FAM120A: variants seen among roughly 807,000 people sequenced by gnomAD.
FAM120A encodes the protein constitutive coactivator of PPAR-gamma-like protein 1.
In FAM120A, 15 loss-of-function variants were observed where a neutral mutation model predicts 109.7. That is an observed-to-expected ratio of 0.14 (90% confidence interval 0.09 to 0.21). The LOEUF is 0.21. Among genes scored for constraint, FAM120A ranks in the 10% least tolerant of loss-of-function variants. The probability of loss-of-function intolerance (pLI) is 1.00; values close to 1 mark genes in which losing one functional copy is unlikely to be tolerated. For missense variants in FAM120A, 899 were observed against 1,439.3 expected, an observed-to-expected ratio of 0.62 and a Z score of 6.07; for synonymous variants, 493 against 572.8, an observed-to-expected ratio of 0.86 and a Z score of 1.99.
At chr9:93,559,884 A>G (rs1862412765) in intron 15 of FAM120A, among the ~76,000 whole-genome samples, 1 of 152,250 alleles carries the variant, frequency 6.6e-6, no homozygotes, top group Admixed American at 6.5e-5. Flanking sequence ...TGCACTGCCT[A>G]GTATAGTAGC....
Position 93,484,394 on chromosome 9 carries a change from T to G in FAM120A, c.804+8056T>G, listed in dbSNP as rs540803242. ...AGGATTCTTCCTGATTGACCTGGAA[T>G]GGACGACCCTGCCAGCAGGAGCAGG... is the stretch of plus-strand genomic sequence containing the variant. On this transcript the variant is annotated intron_variant, in intron 3 of 17. Transcript: ENST00000277165. Among the ~76,000 whole-genome samples the G allele has an allele frequency of 7.2e-5, 11 of 152,266 alleles. No individual in the cohort carries two copies. The East Asian group carries it at 2.1e-3, about 29-fold the overall frequency.
intron 9 of FAM120A, among the ~76,000 whole-genome samples, chr9:93,531,798 A>G (rs1267867403): frequency 6.6e-6 from 1 of 152,084 alleles, no homozygotes; most frequent in African/African-American, 2.4e-5. Flanking sequence ...GACCATCCCA[A>G]CTCTCTAAAT....
At chr9:93,564,094 A>G in intron 17 of FAM120A, 135 bp from the exon 18 acceptor site, 2 of 824,678 alleles carry the variant, frequency 2.4e-6, no homozygotes, top group Non-Finnish European at 3.9e-6. Flanking sequence ...CAAAGCAAAG[A>G]CAGGGTTAGA....
intron 5 of FAM120A, among the ~76,000 whole-genome samples, chr9:93,501,452 C>T (rs1455025869): frequency 6.6e-6 from 1 of 152,096 alleles, no homozygotes; most frequent in African/African-American, 2.4e-5. Context: ...TTTAGTTTCA[C>T]TTTCATTTTC....
Position 93,543,443 on chromosome 9 carries a change from C to T in FAM120A, c.2131C>T (p.His711Tyr), listed in dbSNP as rs935888854. The stretch of plus-strand genomic sequence containing the variant: ...GCTCAACCCTGCCAACGTGCCCACT[C>T]ACCTCATGGTGCTCTGCTGCGTCTT... ...AMLNPANVPT[H>Y]LMVLCCVLRY... Residue 711 changes from histidine to tyrosine, a missense_variant, in exon 11 of 18, where the codon CAC (histidine) becomes TAC (tyrosine). Physicochemically the swap from His to Tyr is moderately conservative, Grantham distance 83 (BLOSUM62 2). This residue lies in a region of FAM120A where 133 missense variants were observed against 276.6 expected (regional missense o/e 0.48). Coordinates refer to ENST00000277165, the MANE Select transcript of FAM120A (RefSeq NM_014612.5). 1.9e-6 allele frequency: 3 copies of T among 1,614,052 alleles called. No homozygotes were observed. Among genetic ancestry groups the T allele is most frequent in the Non-Finnish European group, 2.5e-6 (3 of 1,180,038 alleles).
chr9:93,557,629 C>T (rs1024600478), intron 13 of FAM120A, among the ~76,000 whole-genome samples, 198 bp from the exon 14 acceptor site: 10 of 152,164 alleles, frequency 6.6e-5, no homozygotes, highest in Admixed American at 3.3e-4. Context: ...AGTCTGCAGA[C>T]GACCAGAAAA....
At chr9:93,536,074 T>C (rs1240398505) in intron 10 of FAM120A, among the ~76,000 whole-genome samples, 2 of 152,234 alleles carry the variant, frequency 1.3e-5, no homozygotes, top group African/African-American at 2.4e-5. Flanking sequence ...AAATGTCTCA[T>C]TGTGCCACAA....
At chr9:93,463,065 C>T (rs1857865421) in intron 1 of FAM120A, among the ~76,000 whole-genome samples, 1 of 152,128 alleles carries the variant, frequency 6.6e-6, no homozygotes, top group Non-Finnish European at 1.5e-5. Context: ...GGTAGTTCTG[C>T]GTTCAGTTTT....
At chr9:93,461,526 A>G (rs779647110) in intron 1 of FAM120A, among the ~76,000 whole-genome samples, 2 of 152,224 alleles carry the variant, frequency 1.3e-5, no homozygotes, top group South Asian at 2.1e-4. Context: ...AATAAGAATG[A>G]TATTACTAGG....
At chr9:93,522,547 AT>A (rs1282594016) in intron 7 of FAM120A, among the ~76,000 whole-genome samples, 2 of 152,224 alleles carry the variant, frequency 1.3e-5, no homozygotes, top group African/African-American at 4.8e-5. Context: ...AATAAGATCT[AT>A]ATACATCCAC....
In FAM120A at chr9:93,517,507, A is replaced by G. The variant is rs1860652047; in HGVS notation, c.1418+1238A>G. ...CTGCTTGATGGTCTTGGAAGCCCTT[A>G]TGTGCCAGATTTCTAAGGCATGTGC... On this transcript the variant is annotated intron_variant, in intron 7 of 17. Coordinates refer to ENST00000277165, the MANE Select transcript of FAM120A (RefSeq NM_014612.5). Among the ~76,000 whole-genome samples the G allele has an allele frequency of 5.3e-5, 8 of 152,328 alleles. No individual in the cohort carries two copies. The South Asian group carries it at 1.7e-3, about 32-fold the overall frequency.
intron 3 of FAM120A, among the ~76,000 whole-genome samples, chr9:93,490,162 C>T (rs1859252248): frequency 6.6e-6 from 1 of 152,186 alleles, no homozygotes. Context: ...CTTGAAATTG[C>T]CAAAATGCAG....
chr9:93,555,692 C>G (rs1203695493), intron 12 of FAM120A, among the ~76,000 whole-genome samples: 8 of 152,204 alleles, frequency 5.3e-5, no homozygotes, highest in Admixed American at 5.2e-4. Flanking sequence ...AAGGTAGGCA[C>G]CCAGCACTTA....
At chr9:93,514,003 A>G (rs146874047) in intron 5 of FAM120A, among the ~76,000 whole-genome samples, 147 of 152,274 alleles carry the variant, frequency 9.7e-4, no homozygotes, top group South Asian at 1.9e-3. Context: ...CTGATTTCAT[A>G]CTGCTATAAA....
At chr9:93,562,107 T>C (rs1305945519) in intron 16 of FAM120A, 101 bp from the exon 17 acceptor site, 7 of 1,042,672 alleles carry the variant, frequency 6.7e-6, no homozygotes, top group Non-Finnish European at 8.5e-6. Flanking sequence ...CAGTGCTTCA[T>C]AAAACGTAAG....
intron 15 of FAM120A, 120 bp from the exon 16 acceptor site, chr9:93,560,989 G>T: frequency 9.2e-7 from 1 of 1,088,240 alleles, no homozygotes. Flanking sequence ...CAAAACAGGA[G>T]AAAGTAGCTT....
At chr9:93,473,725 G>A (rs1160309082) in intron 2 of FAM120A, among the ~76,000 whole-genome samples, 1 of 152,222 alleles carries the variant, frequency 6.6e-6, no homozygotes, top group African/African-American at 2.4e-5. Context: ...CTCAAATACA[G>A]TGCTTAGTAA....
intron 11 of FAM120A, among the ~76,000 whole-genome samples, chr9:93,550,127 C>G (rs890407743): frequency 1.1e-4 from 17 of 152,198 alleles, no homozygotes; most frequent in African/African-American, 4.1e-4. Context: ...GCTCCATGGA[C>G]CTGCAGCTGC....
At chr9:93,529,147 G>C (rs1367184302) in intron 8 of FAM120A, among the ~76,000 whole-genome samples, 2 of 152,190 alleles carry the variant, frequency 1.3e-5, no homozygotes, top group Admixed American at 1.3e-4. Flanking sequence ...TGCTGTTTCA[G>C]TGTGGGAAGC....
Sources: allele counts gnomAD v4.1 joint callset (sites outside exome capture counted in the v4.1 genomes callset), GRCh38; gene constraint gnomAD v4.1.1; regional missense constraint gnomAD v4.1.1; transcripts MANE v1.5; gene names NCBI Gene and HGNC (gene_info 2026-07-23, HGNC 2026-07-21).